Variants in CLEC18A observed in about 807,000 individuals in gnomAD.
The protein encoded by CLEC18A is mannose receptor-like 1.
CLEC18A carries 5 observed loss-of-function variants against 24.0 expected under a neutral mutation model. That is an observed-to-expected ratio of 0.21 (90% CI 0.11 to 0.44). The LOEUF (loss-of-function observed/expected upper bound fraction) is 0.44, where lower values mean the gene tolerates loss of function less well. CLEC18A is among the 20% of genes least tolerant of loss of function. The pLI, the probability that CLEC18A is intolerant of heterozygous loss-of-function variation, is 0.99. For missense variants in CLEC18A, 83 were observed against 233.4 expected (o/e 0.36, Z 4.20); for synonymous variants, 29 against 100.1 (o/e 0.29, Z 4.24).
the CLEC18A span, among the ~76,000 whole-genome samples, chr16:69,944,953 C>A: frequency 3.4e-4 from 48 of 139,724 alleles, no homozygotes; most frequent in Non-Finnish European, 5.6e-4. Context: ...CCAGCCTAGA[C>A]AACATGGCAA....
chr16:69,944,876 C>T, the CLEC18A span, among the ~76,000 whole-genome samples: 1 of 122,298 alleles, frequency 8.2e-6, no homozygotes. Context: ...CGCGGTGGCT[C>T]ACAACTGTAA....
At chr16:69,948,814 A>G (rs1435754657), upstream of CLEC18A, among the ~76,000 whole-genome samples, 1 of 139,194 alleles carries the variant, frequency 7.2e-6, no homozygotes, top group Non-Finnish European at 1.5e-5. Context: ...ACTGAGTTTC[A>G]GGAGTGGGAG....
chr16:69,953,830 A>G (rs1433289301), intron 2 of CLEC18A: 16 of 177,950 alleles, frequency 9.0e-5, no homozygotes, highest in South Asian at 7.3e-4. Flanking sequence ...AAAAAAAAAA[A>G]AAGAAGAGGG....
At chr16:69,945,808 A>C (rs1404286941), upstream of CLEC18A, among the ~76,000 whole-genome samples, 1 of 152,214 alleles carries the variant, frequency 6.6e-6, no homozygotes, top group African/African-American at 2.4e-5. Context: ...AAATACAAAA[A>C]TTGGCCAGGT....
At chr16:69,956,374 G>C (rs1305693636) in intron 3 of CLEC18A, among the ~76,000 whole-genome samples, 3 of 55,924 alleles carry the variant, frequency 5.4e-5, no homozygotes, top group African/African-American at 9.8e-5. Flanking sequence ...TTTTTTTTTT[G>C]AGACGGAGTC....
intron 3 of CLEC18A, among the ~76,000 whole-genome samples, chr16:69,956,338 G>T (rs2059035405): frequency 8.9e-6 from 1 of 111,866 alleles, no homozygotes; most frequent in Admixed American, 9.1e-5. Flanking sequence ...CCCACTTCCC[G>T]AAGATCTTCT....
downstream of CLEC18A, among the ~76,000 whole-genome samples, chr16:69,965,197 G>T (rs1345584008): frequency 6.6e-6 from 1 of 151,848 alleles, no homozygotes; most frequent in Non-Finnish European, 1.5e-5. Context: ...CCTACGCGGG[G>T]TGATCACACA....
the CLEC18A span, among the ~76,000 whole-genome samples, chr16:69,944,998 C>G: frequency 9.6e-5 from 14 of 145,532 alleles, no homozygotes; most frequent in African/African-American, 3.8e-4. Context: ...AAAAATTAGC[C>G]GGGCATGGTG....
chr16:69,966,597 A>G (rs1020468195), downstream of CLEC18A, among the ~76,000 whole-genome samples: 1 of 135,356 alleles, frequency 7.4e-6, no homozygotes, highest in African/African-American at 2.9e-5. Context: ...TCTTTAGCAT[A>G]TAATCAATAA....
At chr16:69,948,601 T>G (rs987877876), upstream of CLEC18A, among the ~76,000 whole-genome samples, 1 of 151,528 alleles carries the variant, frequency 6.6e-6, no homozygotes, top group Non-Finnish European at 1.5e-5. Flanking sequence ...ACAATCTGGG[T>G]GGTGGATGTA....
upstream of CLEC18A, among the ~76,000 whole-genome samples, chr16:69,946,661 C>T (rs933116232): frequency 4.7e-5 from 7 of 149,798 alleles, no homozygotes; most frequent in African/African-American, 1.7e-4. Context: ...GCCTCGGTCT[C>T]GGAAAGTGCT....
At chr16:69,956,638 G>T in intron 3 of CLEC18A, among the ~76,000 whole-genome samples, 1 of 74,818 alleles carries the variant, frequency 1.3e-5, no homozygotes, top group African/African-American at 8.0e-5. Flanking sequence ...GATTACAGGT[G>T]TGAGCCACTG....
At position 69,962,964 on chromosome 16, in the gene CLEC18A, C is replaced by G; in HGVS notation, c.1212-12C>G. 6.7e-7 allele frequency: 1 copy of G among 1,486,960 alleles called. No homozygotes were observed. The highest frequency in any genetic ancestry group is 1.1e-5 in the South Asian group (1 of 89,228). 92.1% of individuals were successfully genotyped at this position (1,486,960 alleles called of 1,614,324 possible). Reference sequence around the variant, plus strand: ...CACTCTTGCCTCCTGACCACCACACCATGGCCTGCAGGTTTGGCAACTGCG... The same window carrying G: ...CACTCTTGCCTCCTGACCACCACACGATGGCCTGCAGGTTTGGCAACTGCG... On this transcript the variant is annotated splice_polypyrimidine_tract_variant and intron_variant, in intron 10 of 11. Transcript: ENST00000288040.
upstream of CLEC18A, among the ~76,000 whole-genome samples, chr16:69,946,392 A>ATTTTTTTTTT (rs56112480): frequency 1.2e-5 from 1 of 84,096 alleles, no homozygotes; most frequent in African/African-American, 4.0e-5. Context: ...ATGTGTATGG[A>ATTTTTTTTTT]TTTTTTTTTT....
At chr16:69,966,016 TTG>T (rs1204297321), downstream of CLEC18A, among the ~76,000 whole-genome samples, 1 of 70,660 alleles carries the variant, frequency 1.4e-5, no homozygotes, top group Non-Finnish European at 2.4e-5. Context: ...ATCGTGATTA[TTG>T]TGATACAAGA....
upstream of CLEC18A, among the ~76,000 whole-genome samples, chr16:69,950,283 G>A (rs1166361156): frequency 1.1e-4 from 14 of 126,788 alleles, 3 homozygotes; most frequent in Middle Eastern, 4.1e-3. Context: ...CAGGGGCCAG[G>A]GGTCACACAA....
intron 3 of CLEC18A, among the ~76,000 whole-genome samples, chr16:69,955,387 G>C (rs183046870): frequency 1.0e-3 from 151 of 149,570 alleles, no homozygotes; most frequent in African/African-American, 3.7e-3. Context: ...GTCTTGTTCT[G>C]TCACCCAGGA....
the CLEC18A span, among the ~76,000 whole-genome samples, chr16:69,944,173 A>G: frequency 2.2e-5 from 3 of 133,728 alleles, 1 homozygote; most frequent in Non-Finnish European, 5.3e-5. Context: ...GTGCATATCT[A>G]TAATCCCAGC....
At chr16:69,943,547 G>A in the CLEC18A span, among the ~76,000 whole-genome samples, 1 of 152,116 alleles carries the variant, frequency 6.6e-6, no homozygotes, top group Non-Finnish European at 1.5e-5. Context: ...GAATCATATA[G>A]TACTTGTCGT....
Sources: allele counts gnomAD v4.1 joint callset (sites outside exome capture counted in the v4.1 genomes callset), GRCh38; gene constraint gnomAD v4.1.1; transcripts MANE v1.5; gene names NCBI Gene and HGNC (gene_info 2026-07-23, HGNC 2026-07-21).